XKR4: variants seen among roughly 807,000 people sequenced by gnomAD.
The protein encoded by XKR4 is XK related 4.
In XKR4, 12 loss-of-function variants were observed where a neutral mutation model predicts 53.9. The ratio of observed to expected loss-of-function variants is 0.22; its 90% CI spans 0.14 to 0.36. The LOEUF (loss-of-function observed/expected upper bound fraction) is 0.36, where lower values mean the gene tolerates loss of function less well. XKR4 is among the 10% of genes least tolerant of loss of function. The probability of loss-of-function intolerance (pLI) is 1.00; values close to 1 mark genes in which losing one functional copy is unlikely to be tolerated. For synonymous variants in XKR4, 354 were observed against 362.4 expected, an observed-to-expected ratio of 0.98 and a Z score of 0.26; for missense variants, 799 against 859.5, an observed-to-expected ratio of 0.93 and a Z score of 0.88.
chr8:55,216,379 G>C (rs537642033), intron 1 of XKR4, among the ~76,000 whole-genome samples: 4 of 152,332 alleles, frequency 2.6e-5, no homozygotes, highest in African/African-American at 9.6e-5. Context: ...GAGCAATATA[G>C]AGTAATATTT....
intron 1 of XKR4, among the ~76,000 whole-genome samples, chr8:55,121,783 G>A (rs1816393911): frequency 8.0e-6 from 1 of 125,080 alleles, no homozygotes; most frequent in Non-Finnish European, 1.6e-5. Flanking sequence ...GTAATTATGA[G>A]GTAAATAATT....
At chr8:55,425,652 C>A (rs747986503) in intron 2 of XKR4, among the ~76,000 whole-genome samples, 5 of 152,128 alleles carry the variant, frequency 3.3e-5, no homozygotes, top group Admixed American at 6.5e-5. Context: ...CCGTTACCCA[C>A]GTGAGAAACC....
intron 2 of XKR4, among the ~76,000 whole-genome samples, chr8:55,441,872 C>A (rs1219687034): frequency 3.3e-5 from 5 of 151,138 alleles, no homozygotes; most frequent in Non-Finnish European, 7.4e-5. Context: ...TAGAAGAAAA[C>A]AATAAGTTTA....
chr8:55,198,782 T>G (rs1817536934), intron 1 of XKR4, among the ~76,000 whole-genome samples: 1 of 152,180 alleles, frequency 6.6e-6, no homozygotes, highest in Non-Finnish European at 1.5e-5. Flanking sequence ...CCTGTAATAG[T>G]GGGTGATAGC....
intron 2 of XKR4, among the ~76,000 whole-genome samples, chr8:55,359,253 A>G (rs1332252426): frequency 6.6e-6 from 1 of 152,220 alleles, no homozygotes; most frequent in East Asian, 1.9e-4. Context: ...TGAGCTGGGC[A>G]TGCAGAGGCC....
At chr8:55,186,158 G>C (rs566387215) in intron 1 of XKR4, among the ~76,000 whole-genome samples, 1 of 152,208 alleles carries the variant, frequency 6.6e-6, no homozygotes, top group South Asian at 2.1e-4. Context: ...AGAATAATGT[G>C]AAAGATCAAC....
chr8:55,455,557 C>CA (rs1195536638), intron 2 of XKR4, among the ~76,000 whole-genome samples: 1 of 151,834 alleles, frequency 6.6e-6, no homozygotes, highest in Non-Finnish European at 1.5e-5. Context: ...CAGTAGGAAA[C>CA]AAAAAAAGAA....
At chr8:55,459,388 G>T (rs1805615469) in intron 2 of XKR4, among the ~76,000 whole-genome samples, 1 of 152,028 alleles carries the variant, frequency 6.6e-6, no homozygotes, top group African/African-American at 2.4e-5. Context: ...TACTTGATTG[G>T]ATACCAAAAG....
chr8:55,139,202 C>T (rs755527634), intron 1 of XKR4, among the ~76,000 whole-genome samples: 9 of 152,256 alleles, frequency 5.9e-5, no homozygotes, highest in East Asian at 3.9e-4. Flanking sequence ...GGGGATCCCA[C>T]GTGCTGATGA....
chr8:55,222,491 C>T lies in XKR4; in HGVS notation c.806+119197C>T, dbSNP rs150366248. Among the ~76,000 whole-genome samples the T allele has an allele frequency of 1.4e-3, 206 of 152,314 alleles. 2 individuals carry two copies. The highest frequency in any genetic ancestry group is 3.4e-3 in the Middle Eastern group (1 of 292). On this transcript the variant is annotated intron_variant, in intron 1 of 2. Transcript: ENST00000327381. ...GTCTCCTTAGTGAGGAAGCTTTTGT[C>T]CACCTCACAGTCTTCTCAGTTACTG...
At chr8:55,454,097 G>T (rs756266611) in intron 2 of XKR4, 4 of 824,194 alleles carry the variant, frequency 4.9e-6, no homozygotes, top group Non-Finnish European at 6.3e-6. Context: ...CAAGGAGGAG[G>T]GGGACGTCAT....
Position 55,102,470 on chromosome 8 carries a change from C to A in XKR4, c.-19C>A. The A allele has an allele frequency of 6.5e-7, 1 of 1,538,478 alleles. No individual in the cohort carries two copies. Among genetic ancestry groups the A allele is most frequent in the Non-Finnish European group, 8.8e-7 (1 of 1,137,404 alleles). The stretch of plus-strand genomic sequence containing the variant: ...AAGGTGTCAGATAAAGGAGGGCTCT[C>A]CTCCGGTGTGGAGGCATCATGGCCG... On this transcript the variant is annotated 5_prime_UTR_variant, in exon 1 of 3. Transcript: ENST00000327381. The surrounding 1 kb of genome is among the most constrained non-coding windows in gnomAD (Gnocchi z 5.1).
At chr8:55,454,101 A>G (rs1805511133) in intron 2 of XKR4, 1 of 818,502 alleles carries the variant, frequency 1.2e-6, no homozygotes, top group Non-Finnish European at 2.1e-6. Flanking sequence ...GAGGAGGGGG[A>G]CGTCATGGGT....
At chr8:55,451,489 T>C in intron 2 of XKR4, 1 of 1,142,178 alleles carries the variant, frequency 8.8e-7, no homozygotes, top group Non-Finnish European at 1.3e-6. Flanking sequence ...TGCCTGGAAC[T>C]GGCCTGGAGA....
At chr8:55,163,774 G>A (rs1817019844) in intron 1 of XKR4, among the ~76,000 whole-genome samples, 1 of 152,152 alleles carries the variant, frequency 6.6e-6, no homozygotes, top group African/African-American at 2.4e-5. Context: ...GAACTCAGGA[G>A]GCATAGGTTG....
intron 1 of XKR4, among the ~76,000 whole-genome samples, chr8:55,355,658 G>A (rs1803787867): frequency 6.6e-6 from 1 of 152,182 alleles, no homozygotes; most frequent in South Asian, 2.1e-4. Context: ...ATGAATGTCA[G>A]ATTTCTATCA....
chr8:55,377,608 A>G (rs1804169910), intron 2 of XKR4, among the ~76,000 whole-genome samples: 1 of 152,166 alleles, frequency 6.6e-6, no homozygotes, highest in African/African-American at 2.4e-5. Context: ...GGGAGGAAGG[A>G]AGAAGGAAAG....
intron 1 of XKR4, among the ~76,000 whole-genome samples, chr8:55,320,266 C>T (rs892224223): frequency 6.6e-6 from 1 of 152,194 alleles, no homozygotes; most frequent in African/African-American, 2.4e-5. Context: ...AAAGTCAGAA[C>T]TTGCTTGACT....
At chr8:55,334,919 T>C (rs1055018450) in intron 1 of XKR4, among the ~76,000 whole-genome samples, 2 of 152,224 alleles carry the variant, frequency 1.3e-5, no homozygotes, top group African/African-American at 4.8e-5. Flanking sequence ...TGTTCCTGGA[T>C]GACTTCATAC....
Sources: gnomAD v4.1 joint callset for allele counts (sites outside exome capture counted in the v4.1 genomes callset) on GRCh38, gnomAD v4.1.1 for gene constraint, Gnocchi (gnomAD v3.1) non-coding constraint, MANE v1.5 for transcripts, NCBI Gene and HGNC (gene_info 2026-07-23, HGNC 2026-07-21) for gene names.